Variants in DZIP1 observed in about 807,000 individuals in gnomAD.
The protein encoded by DZIP1 is cilium assembly protein DZIP1.
DZIP1 carries 97 observed loss-of-function variants against 107.6 expected under a neutral mutation model. The observed-to-expected ratio is 0.90, with a 90% confidence interval of 0.77 to 1.07. The LOEUF is 1.07. DZIP1 is among the 50% of genes least tolerant of loss of function. The pLI is 0.00. For synonymous variants in DZIP1, 390 were observed against 386.4 expected (o/e 1.01, Z -0.11); for missense variants, 1,035 against 1,063.6 (o/e 0.97, Z 0.37).
intron 5 of DZIP1, among the ~76,000 whole-genome samples, chr13:95,639,625 A>T (rs1455219551): frequency 6.6e-6 from 1 of 151,208 alleles, no homozygotes; most frequent in Non-Finnish European, 1.5e-5. Flanking sequence ...AGAGAGAAAG[A>T]GAAAGAAAGA....
At chr13:95,610,055 AGTGTGT>A (rs58398816) in intron 12 of DZIP1, among the ~76,000 whole-genome samples, 2,536 of 109,312 alleles carry the variant, frequency 0.023, 81 homozygotes, top group African/African-American at 0.055. Flanking sequence ...TGACTGGTTT[AGTGTGT>A]GTGTGTGTGT....
intron 6 of DZIP1, among the ~76,000 whole-genome samples, chr13:95,632,666 A>G (rs1877329459): frequency 6.6e-6 from 1 of 152,080 alleles, no homozygotes; most frequent in Non-Finnish European, 1.5e-5. Flanking sequence ...TACGCATATA[A>G]AAACTCCACA....
Position 95,642,239 on chromosome 13 carries a change from A to C in DZIP1, c.-210T>G. ...CGCGCAGGGTCAGCGTGCACCCAGA[A>C]CCCTGCGGGACCAGAGAAGACCTCT... On this transcript the variant is annotated splice_region_variant and 5_prime_UTR_variant, in exon 4 of 23. Transcript: ENST00000376829. 3 of 541,654 alleles carry C rather than the reference A, an allele frequency of 5.5e-6. No individual in the cohort carries two copies. The highest frequency in any genetic ancestry group is 9.3e-6 in the Non-Finnish European group (3 of 321,858). The allele number at this position is 541,654 out of a possible 1,614,324, so 33.6% of individuals were successfully genotyped here.
chr13:95,603,431 G>A (rs2044679635), intron 14 of DZIP1, among the ~76,000 whole-genome samples: 2 of 151,668 alleles, frequency 1.3e-5, no homozygotes, highest in Non-Finnish European at 2.9e-5. Flanking sequence ...TTAAAGGAGG[G>A]CTTTACATGT....
chr13:95,638,873 A>G (rs1322271909), intron 5 of DZIP1, among the ~76,000 whole-genome samples: 1 of 150,884 alleles, frequency 6.6e-6, no homozygotes, highest in African/African-American at 2.5e-5. Flanking sequence ...TAAAACTGAT[A>G]ATGCGGTGGA....
chr13:95,582,209 T>C lies in DZIP1; in HGVS notation c.*25A>G. On this transcript the variant is annotated 3_prime_UTR_variant, in exon 23 of 23. Coordinates refer to ENST00000376829, the MANE Select transcript of DZIP1 (RefSeq NM_198968.4). ...GTGATACTGAAATACTGCTGGCTTC[T>C]GGAATAATCTTCTGACATGTGGAAT... 3.1e-6 allele frequency: 5 copies of C among 1,608,640 alleles called. No individual in the cohort carries two copies. Among genetic ancestry groups the C allele is most frequent in the Non-Finnish European group, 4.3e-6 (5 of 1,175,060 alleles).
At chr13:95,632,413 T>C (rs1034846836) in intron 6 of DZIP1, among the ~76,000 whole-genome samples, 1 of 152,148 alleles carries the variant, frequency 6.6e-6, no homozygotes, top group African/African-American at 2.4e-5. Context: ...GGGTCCTCTG[T>C]AGCTTCTGGG....
At chr13:95,605,200 T>C (rs2044736655) in intron 14 of DZIP1, among the ~76,000 whole-genome samples, 1 of 152,178 alleles carries the variant, frequency 6.6e-6, no homozygotes, top group Admixed American at 6.5e-5. Context: ...ACCAGTTAGA[T>C]CATGGATTTA....
intron 7 of DZIP1, among the ~76,000 whole-genome samples, chr13:95,627,491 T>G (rs1876683599): frequency 6.6e-6 from 1 of 152,202 alleles, no homozygotes; most frequent in Non-Finnish European, 1.5e-5. Context: ...AATAGACATT[T>G]CTCCAACTAA....
chr13:95,641,522 C>T lies in DZIP1; in HGVS notation c.370G>A (p.Ala124Thr). The change falls in exon 5 of 23, where the codon GCG becomes ACG. Residue 124 changes from alanine to threonine, a missense_variant. By Grantham distance (58) the Ala-to-Thr change is moderately conservative (BLOSUM62 0). Coordinates refer to ENST00000376829, the MANE Select transcript of DZIP1 (RefSeq NM_198968.4). The surrounding 1 kb of genome is among the most constrained non-coding windows in gnomAD (Gnocchi z 4.3). ...DPVLLKLIRL[A>T]QFTIEYLLHS... ...AGCAAGTACTCGATGGTGAACTGCG[C>T]CAGACGGATGAGCTTCAGCAGCACC... The T allele has an allele frequency of 6.2e-7, 1 of 1,614,092 alleles. No homozygotes were observed.
chr13:95,599,947 G>T (rs965974677), intron 14 of DZIP1, among the ~76,000 whole-genome samples: 1 of 152,148 alleles, frequency 6.6e-6, no homozygotes, highest in Admixed American at 6.6e-5. Flanking sequence ...GCCATTCTTC[G>T]ACACCTGCAT....
At chr13:95,629,462 A>T (rs1313736942) in intron 7 of DZIP1, among the ~76,000 whole-genome samples, 1 of 152,178 alleles carries the variant, frequency 6.6e-6, no homozygotes, top group African/African-American at 2.4e-5. Flanking sequence ...GGGAGACTCA[A>T]CCCTCTGTTG....
intron 9 of DZIP1, among the ~76,000 whole-genome samples, chr13:95,621,942 A>G (rs563927844): frequency 6.2e-4 from 95 of 152,180 alleles, no homozygotes; most frequent in Non-Finnish European, 3.1e-4. Flanking sequence ...CCTGGCCAAT[A>G]TGGTGAAACC....
chr13:95,632,917 C>T (rs182149565), intron 6 of DZIP1, among the ~76,000 whole-genome samples: 3 of 152,190 alleles, frequency 2.0e-5, no homozygotes, highest in South Asian at 2.1e-4. Context: ...TGATCTTCAT[C>T]GCATTTGCCA....
At chr13:95,618,060 T>C in intron 10 of DZIP1, 1 of 518,116 alleles carries the variant, frequency 1.9e-6, no homozygotes, top group Non-Finnish European at 3.9e-6. Context: ...GGCTACCTGA[T>C]CTGGAACTCA....
chr13:95,620,903 C>T (rs1875748714), intron 9 of DZIP1, among the ~76,000 whole-genome samples: 1 of 152,206 alleles, frequency 6.6e-6, no homozygotes, highest in Non-Finnish European at 1.5e-5. Flanking sequence ...AAGCAACTGT[C>T]AACAGTTCAG....
At chr13:95,622,170 A>G (rs1353715918) in intron 9 of DZIP1, among the ~76,000 whole-genome samples, 173 bp downstream of exon 9, 1 of 152,244 alleles carries the variant, frequency 6.6e-6, no homozygotes, top group East Asian at 1.9e-4. Context: ...AACAGCAAGC[A>G]TGTAACAAAC....
intron 10 of DZIP1, among the ~76,000 whole-genome samples, chr13:95,616,109 T>G (rs1319532392): frequency 6.6e-6 from 1 of 152,200 alleles, no homozygotes; most frequent in African/African-American, 2.4e-5. Context: ...CCTTGCACAG[T>G]GGAGCCACCT....
intron 14 of DZIP1, among the ~76,000 whole-genome samples, chr13:95,600,589 ATGAT>A (rs1357511252): frequency 8.6e-6 from 1 of 116,014 alleles, no homozygotes; most frequent in African/African-American, 3.0e-5. Context: ...AGATAGATAG[ATGAT>A]AGATAGATAG....
Sources: gnomAD v4.1 joint callset for allele counts (sites outside exome capture counted in the v4.1 genomes callset) on GRCh38, gnomAD v4.1.1 for gene constraint, Gnocchi (gnomAD v3.1) non-coding constraint, MANE v1.5 for transcripts, NCBI Gene and HGNC (gene_info 2026-07-23, HGNC 2026-07-21) for gene names.